The following NBAS variants were observed in gnomAD, a reference collection of about 807,000 sequenced individuals.
NBAS encodes the protein NAG/BC035112 fusion.
NBAS carries 219 observed loss-of-function variants against 302.5 expected under a neutral mutation model. The ratio of observed to expected loss-of-function variants is 0.72; its 90% CI spans 0.65 to 0.81. The LOEUF is 0.81. NBAS is among the 30% of genes least tolerant of loss of function. The pLI is 0.00. For synonymous variants in NBAS, 1,118 were observed against 1,021.6 expected (o/e 1.09, Z -1.80); for missense variants, 2,932 against 2,841.6 (o/e 1.03, Z -0.72).
the NBAS span, among the ~76,000 whole-genome samples, chr2:14,877,306 T>C: frequency 2.6e-5 from 4 of 152,184 alleles, no homozygotes; most frequent in African/African-American, 9.7e-5. Context: ...GTCAATTAAC[T>C]CTCTTTACAT....
At chr2:15,166,590 G>T (rs1011439071), downstream of NBAS, among the ~76,000 whole-genome samples, 4 of 152,084 alleles carry the variant, frequency 2.6e-5, no homozygotes, top group Non-Finnish European at 5.9e-5. Flanking sequence ...ATAGACATAG[G>T]TTCAAAGAGG....
intron 9 of NBAS, among the ~76,000 whole-genome samples, chr2:15,524,335 A>G (rs529241193): frequency 5.3e-5 from 8 of 152,324 alleles, no homozygotes; most frequent in African/African-American, 1.9e-4. Context: ...TATGGGGTGC[A>G]AGATGCCCCA....
rs1351491956 is a variant in NBAS at position 15,541,811 on chromosome 2, T to G, written c.380-2455A>C. On this transcript the variant is annotated intron_variant, in intron 6 of 51. Transcript: ENST00000281513. ...CCCGTCCGGGAGGGAGGTGGGGGGG[T>G]TCAGCCCCCCGCCCGGCCAGCCGCC... Among the ~76,000 whole-genome samples the G allele has an allele frequency of 8.6e-4, 17 of 19,876 alleles. 1 individual carries two copies. The highest frequency in any genetic ancestry group is 1.5e-3 in the Non-Finnish European group (11 of 7,134). The allele number at this position is 19,876 out of a possible 152,430, so 13.0% of individuals were successfully genotyped here.
chr2:14,874,299 A>G, the NBAS span, among the ~76,000 whole-genome samples: 1 of 152,148 alleles, frequency 6.6e-6, no homozygotes, highest in African/African-American at 2.4e-5. Context: ...AACTCTTTCT[A>G]TGAGGCCTGC....
At chr2:15,525,769 C>T (rs958404988) in intron 9 of NBAS, among the ~76,000 whole-genome samples, 2 of 151,886 alleles carry the variant, frequency 1.3e-5, no homozygotes, top group African/African-American at 2.4e-5. Context: ...GGAAATACAA[C>T]AAAATCAGAT....
chr2:15,059,975 A>C, the NBAS span, among the ~76,000 whole-genome samples: 4 of 44,636 alleles, frequency 9.0e-5, no homozygotes, highest in Non-Finnish European at 1.5e-4. Context: ...AAAAAAAAAA[A>C]CAAAAAAAAA....
intron 21 of NBAS, among the ~76,000 whole-genome samples, chr2:15,445,722 T>G (rs1467433328): frequency 1.3e-5 from 2 of 151,862 alleles, no homozygotes; most frequent in Non-Finnish European, 2.9e-5. Context: ...TTATGTAAAA[T>G]TCTTAATGTC....
the NBAS span, among the ~76,000 whole-genome samples, chr2:14,903,015 A>G: frequency 6.6e-6 from 1 of 152,194 alleles, no homozygotes; most frequent in Non-Finnish European, 1.5e-5. Context: ...CCAATGGCAA[A>G]GACCCATCCC....
intron 9 of NBAS, among the ~76,000 whole-genome samples, chr2:15,529,305 G>A (rs967382440): frequency 2.0e-5 from 3 of 151,994 alleles, no homozygotes; most frequent in Non-Finnish European, 4.4e-5. Flanking sequence ...TGCAAGATCA[G>A]CCTGAGCAAC....
At chr2:14,976,669 G>A in the NBAS span, among the ~76,000 whole-genome samples, 2 of 152,196 alleles carry the variant, frequency 1.3e-5, no homozygotes, top group African/African-American at 4.8e-5. Flanking sequence ...TTTCTACAAT[G>A]TAATCAAGTT....
the NBAS span, among the ~76,000 whole-genome samples, chr2:15,055,305 G>A: frequency 6.6e-6 from 1 of 152,222 alleles, no homozygotes; most frequent in African/African-American, 2.4e-5. Flanking sequence ...GGAAGACTGA[G>A]ATAAGAACAC....
At chr2:15,385,837 C>T (rs76465558) in intron 28 of NBAS, among the ~76,000 whole-genome samples, 2,506 of 152,136 alleles carry the variant, frequency 0.016, 45 homozygotes, top group East Asian at 0.059. Context: ...AAATAGATTA[C>T]CATGAGTAGA....
At chr2:15,306,447 G>A (rs2148152755) in intron 40 of NBAS, among the ~76,000 whole-genome samples, 1 of 152,304 alleles carries the variant, frequency 6.6e-6, no homozygotes, top group South Asian at 2.1e-4. Flanking sequence ...AGAGTCATGT[G>A]TTATGGATGG....
At chr2:15,532,148 C>G (rs1248076445) in intron 9 of NBAS, among the ~76,000 whole-genome samples, 1 of 152,058 alleles carries the variant, frequency 6.6e-6, no homozygotes, top group Non-Finnish European at 1.5e-5. Context: ...AAATACTATA[C>G]AAGCTTCTTT....
chr2:15,169,753 G>A (rs1664208534), intron 51 of NBAS, among the ~76,000 whole-genome samples: 1 of 152,206 alleles, frequency 6.6e-6, no homozygotes, highest in African/African-American at 2.4e-5. Context: ...GTGGTCACAT[G>A]CTAGGAGCTG....
In NBAS at chr2:15,417,800, C is replaced by A. The variant is rs1677022069; in HGVS notation, c.2578-88G>T. 6.3e-6 allele frequency: 8 copies of A among 1,271,666 alleles called. No individual in the cohort carries two copies. In the East Asian group the frequency reaches 2.0e-4, roughly 32 times the overall value. The allele number at this position is 1,271,666 out of a possible 1,614,324, so 78.8% of individuals were successfully genotyped here. A position where few individuals can be genotyped will look rare whatever the true frequency, so the allele number is the denominator to read the frequency against. ...AAAGTCTCCAGTACAGAATCTAATT[C>A]TTATAATCATTTTTTATAAAATTGC... On this transcript the variant is annotated intron_variant, in intron 23 of 51. Transcript: ENST00000281513.
At chr2:15,130,098 A>G in the NBAS span, among the ~76,000 whole-genome samples, 1 of 152,316 alleles carries the variant, frequency 6.6e-6, no homozygotes, top group Middle Eastern at 3.4e-3. Flanking sequence ...GGCCTTTGTC[A>G]GTACAGATTT....
the NBAS span, among the ~76,000 whole-genome samples, chr2:14,959,928 A>C: frequency 6.6e-6 from 1 of 152,258 alleles, no homozygotes; most frequent in African/African-American, 2.4e-5. Flanking sequence ...AAAATGTTCC[A>C]AAAACTACTT....
intron 38 of NBAS, among the ~76,000 whole-genome samples, chr2:15,313,933 G>A (rs531741875): frequency 5.9e-5 from 9 of 152,258 alleles, no homozygotes; most frequent in South Asian, 2.1e-4. Context: ...TTAACCACAC[G>A]TCACCTGGTG....
Sources: gnomAD v4.1 joint callset for allele counts (sites outside exome capture counted in the v4.1 genomes callset) on GRCh38, gnomAD v4.1.1 for gene constraint, MANE v1.5 for transcripts, NCBI Gene and HGNC (gene_info 2026-07-23, HGNC 2026-07-21) for gene names.